ACTB: variants seen among roughly 807,000 people sequenced by gnomAD.
ACTB encodes the protein actin beta, also known as actin, cytoplasmic 1.
In ACTB, 2 loss-of-function variants were observed where a neutral mutation model predicts 30.5. The observed-to-expected ratio is 0.07, with a 90% CI of 0.03 to 0.21. ACTB has a LOEUF of 0.21. Ranked by LOEUF, ACTB falls within the 10% of genes least tolerant of loss-of-function variation. The pLI, the probability that ACTB is intolerant of heterozygous loss-of-function variation, is 1.00. For missense variants in ACTB, 56 were observed against 530.0 expected (o/e 0.11, Z 8.78); for synonymous variants, 335 against 217.6 (o/e 1.54, Z -4.75).
At position 5,528,145 on chromosome 7, in the gene ACTB, G is replaced by T; in HGVS notation, c.843C>A (p.Ser281=). 1 of 1,614,230 alleles carries T rather than the reference G, an allele frequency of 6.2e-7. No individual in the cohort carries two copies. Among genetic ancestry groups the T allele is most frequent in the South Asian group, 1.1e-5 (1 of 91,084 alleles). Residue 281 remains serine, a synonymous_variant, in exon 5 of 6, where the codon TCC becomes TCA. Coordinates refer to ENST00000646664, the MANE Select transcript of ACTB (RefSeq NM_001101.5). ...GGATGTCCACGTCACACTTCATGAT[G>T]GAGTTGAAGGTAGTTTCGTGGATGC... The part of the protein sequence containing the change: ...SCGIHETTFN[S]IMKCDVDIRK...
rs769411154 is a variant in ACTB at position 5,528,441 on chromosome 7, C to T, written c.642G>A (p.Glu214=). The part of the protein sequence containing the change: ...AEREIVRDIK[E]KLCYVALDFE... ...AGTCCAGGGCGACGTAGCACAGCTT[C>T]TCCTTAATGTCACGCACGATTTCCC... is the stretch of plus-strand genomic sequence containing the variant. Residue 214 remains glutamate (E), a synonymous_variant, in exon 4 of 6, where the codon GAG becomes GAA. Coordinates refer to ENST00000646664, the MANE Select transcript of ACTB (RefSeq NM_001101.5). 8.1e-5 allele frequency: 131 copies of T among 1,614,016 alleles called. 1 individual carries two copies. In the South Asian group the frequency reaches 1.4e-3, roughly 17 times the overall value.
Position 5,527,904 on chromosome 7 carries a change from G to C in ACTB, c.985-13C>G. On this transcript the variant is annotated splice_polypyrimidine_tract_variant and intron_variant, in intron 5 of 5. Transcript: ENST00000646664. ...GAGGAGCAATGATCTGAGGAGGGAA[G>C]GGGACAGGCAGTGAGGACCCTGGAT... 6.2e-7 allele frequency: 1 copy of C among 1,613,054 alleles called. No individual in the cohort carries two copies. Among genetic ancestry groups the C allele is most frequent in the East Asian group, 2.2e-5 (1 of 44,870 alleles).
intron 5 of ACTB, 35 bp downstream of exon 5, chr7:5,527,969 C>G (rs1784801472): frequency 1.9e-6 from 3 of 1,613,206 alleles, no homozygotes; most frequent in Non-Finnish European, 2.5e-6. Flanking sequence ...CACAGCCGAC[C>G]TGCCCAGGTC....
At chr7:5,528,242 C>T (rs1348533531) in intron 4 of ACTB, 39 bp downstream of exon 4, 2 of 1,613,804 alleles carry the variant, frequency 1.2e-6, no homozygotes, top group Non-Finnish European at 1.7e-6. Flanking sequence ...GAGGGGTAAC[C>T]CTCATGTCAG....
chr7:5,529,770 T>TG (rs1467953638), intron 1 of ACTB, 107 bp from the exon 2 acceptor site: 18 of 1,558,246 alleles, frequency 1.2e-5, no homozygotes, highest in Non-Finnish European at 1.6e-5. Context: ...GCGCCCAGAT[T>TG]GGGGACAAAG....
At position 5,529,407 on chromosome 7, in the gene ACTB, A is replaced by T. The variant is rs199651295; in HGVS notation, c.124-7T>A. ...CCATGCCCACCATCACGCCCTGGGA[A>T]GGAAAGGACAAGAAGCCCTGAGCAC... On this transcript the variant is annotated splice_region_variant and splice_polypyrimidine_tract_variant and intron_variant, in intron 2 of 5. Transcript: ENST00000646664. 1.7e-4 allele frequency: 274 copies of T among 1,613,870 alleles called. 7 individuals carry two copies. In the East Asian group the frequency reaches 5.8e-3, roughly 34 times the overall value.
chr7:5,528,203 G>A lies in ACTB; in HGVS notation c.803-18C>T, dbSNP rs370628413. On this transcript the variant is annotated intron_variant, in intron 4 of 5. Transcript: ENST00000646664. ...CTCCATGCCTGAGAGGGAAATGAGGGCAGGACTTAGCTTCCACAGCACAGC... is the reference window on the plus strand; with the variant it reads ...CTCCATGCCTGAGAGGGAAATGAGGACAGGACTTAGCTTCCACAGCACAGC... 7 of 1,613,748 alleles carry A rather than the reference G, an allele frequency of 4.3e-6. No homozygotes were observed. Among genetic ancestry groups the A allele is most frequent in the Non-Finnish European group, 5.9e-6 (7 of 1,179,748 alleles).
chr7:5,528,129 C>T lies in ACTB; in HGVS notation c.859G>A (p.Val287Met), dbSNP rs1409812965. 1.2e-6 allele frequency: 2 copies of T among 1,614,196 alleles called. No individual in the cohort carries two copies. The highest frequency in any genetic ancestry group is 1.7e-5 in the Admixed American group (1 of 60,008). Residue 287 changes from valine (V) to methionine (M), a missense_variant, in exon 5 of 6, where the codon GTG (valine) becomes ATG (methionine). Val to Met is a conservative substitution (Grantham distance 21, BLOSUM62 1). Transcript: ENST00000646664. ...GCGTACAGGTCTTTGCGGATGTCCA[C>T]GTCACACTTCATGATGGAGTTGAAG... Reference protein sequence around the residue: ...TTFNSIMKCDVDIRKDLYANT... With the variant: ...TTFNSIMKCDMDIRKDLYANT...
rs1562719644 is a variant in ACTB, at chr7:5,529,118, GA to G, written c.363+42del. The G allele has an allele frequency of 2.5e-6, 4 of 1,613,528 alleles. No individual in the cohort carries two copies. The African/African-American group carries it at 5.3e-5, about 22-fold the overall frequency. ...AAAGGGCGCAGCTCCGGGAGGCCAGGAAGGAGGGAGGCGGCCACCAGAAGAG... is the reference window on the plus strand; with the variant it reads ...AAAGGGCGCAGCTCCGGGAGGCCAGGAGGAGGGAGGCGGCCACCAGAAGAG... On this transcript the variant is annotated intron_variant, in intron 3 of 5. Transcript: ENST00000646664.
chr7:5,528,782 G>A (rs1002137247), intron 3 of ACTB, 63 bp from the exon 4 acceptor site: 29 of 1,575,904 alleles, frequency 1.8e-5, no homozygotes, highest in Admixed American at 1.7e-4. Flanking sequence ...AGGCCAGACG[G>A]GGGACATGCA....
chr7:5,527,742 G>A lies in ACTB; in HGVS notation c.*6C>T, dbSNP rs1390956841. On this transcript the variant is annotated 3_prime_UTR_variant, in exon 6 of 6. Transcript: ENST00000646664. ...AAGGGTGTAACGCAACTAAGTCATA[G>A]TCCGCCTAGAAGCATTTGCGGTGGA... 4 of 1,613,398 alleles carry A rather than the reference G, an allele frequency of 2.5e-6. No homozygotes were observed. The African/African-American group carries it at 5.3e-5, about 22-fold the overall frequency.
intron 1 of ACTB, 127 bp from the exon 2 acceptor site, chr7:5,529,790 CCG>C (rs771436638): frequency 1.6e-5 from 24 of 1,471,866 alleles, no homozygotes; most frequent in Non-Finnish European, 1.9e-6. Flanking sequence ...GGAAGCCGGG[CCG>C]GCCGCGTTAT....
intron 1 of ACTB, among the ~76,000 whole-genome samples, 156 bp downstream of exon 1, chr7:5,530,368 G>A (rs929680103): frequency 6.6e-6 from 1 of 152,014 alleles, no homozygotes; most frequent in Non-Finnish European, 1.5e-5. Flanking sequence ...ATCTCCGGAG[G>A]CCCAGGGGCT....
Position 5,529,499 on chromosome 7 carries a change from G to A in ACTB, c.123+36C>T, listed in dbSNP as rs745396047. Reference sequence around the variant, plus strand: ...GAGAAAGCGCCCTTGCCTCCCGCCCGCTCCCGGGGCTGCCCCACCCAGCCA... The same window carrying A: ...GAGAAAGCGCCCTTGCCTCCCGCCCACTCCCGGGGCTGCCCCACCCAGCCA... On this transcript the variant is annotated intron_variant, in intron 2 of 5. Transcript: ENST00000646664. 5 of 1,611,854 alleles carry A rather than the reference G, an allele frequency of 3.1e-6. No homozygotes were observed. In the African/African-American group the frequency reaches 4.0e-5, roughly 13 times the overall value.
At chr7:5,529,044 G>T in intron 3 of ACTB, 117 bp downstream of exon 3, 1 of 1,612,878 alleles carries the variant, frequency 6.2e-7, no homozygotes, top group South Asian at 1.1e-5. Context: ...GGAGACTCAG[G>T]TCAGAGAAGA....
At chr7:5,529,872 C>T in intron 1 of ACTB, 2 of 827,742 alleles carry the variant, frequency 2.4e-6, no homozygotes, top group Non-Finnish European at 2.0e-6. Flanking sequence ...CCCCAACCCC[C>T]TCCCAACCGG....
intron 3 of ACTB, 91 bp downstream of exon 3, chr7:5,529,070 C>T (rs1259828866): frequency 1.9e-6 from 3 of 1,613,212 alleles, no homozygotes; most frequent in African/African-American, 1.3e-5. Flanking sequence ...CTACGGAAAA[C>T]GGCAGAAGAG....
At position 5,529,009 on chromosome 7, in the gene ACTB, C is replaced by T. The variant is rs1243690187; in HGVS notation, c.363+152G>A. 5 of 1,606,496 alleles carry T rather than the reference C, an allele frequency of 3.1e-6. No individual in the cohort carries two copies. In the African/African-American group the frequency reaches 5.4e-5, roughly 17 times the overall value. On this transcript the variant is annotated intron_variant, in intron 3 of 5. Coordinates refer to ENST00000646664, the MANE Select transcript of ACTB (RefSeq NM_001101.5). ...GAAAAAGAGCTCATCTGGGAAAAAG[C>T]AAATAGAACCTGCAGAGTTCCAAAG...
At chr7:5,529,016 A>G in intron 3 of ACTB, 145 bp downstream of exon 3, 5 of 1,610,134 alleles carry the variant, frequency 3.1e-6, no homozygotes, top group African/African-American at 1.3e-5. Flanking sequence ...AAGCAAATAG[A>G]ACCTGCAGAG....
Sources: allele counts gnomAD v4.1 joint callset (sites outside exome capture counted in the v4.1 genomes callset), GRCh38; gene constraint gnomAD v4.1.1; transcripts MANE v1.5; gene names NCBI Gene and HGNC (gene_info 2026-07-23, HGNC 2026-07-21).